The following PLOD1 variants were observed in gnomAD, a reference collection of about 807,000 sequenced individuals.
The protein encoded by PLOD1 is procollagen-lysine,2-oxoglutarate 5-dioxygenase 1.
A neutral mutation model predicts 94.7 loss-of-function variants in PLOD1; 70 were observed. That is an observed-to-expected ratio of 0.74 (90% confidence interval 0.61 to 0.90). The LOEUF (loss-of-function observed/expected upper bound fraction) is 0.90. Ranked by LOEUF, PLOD1 falls within the 40% of genes least tolerant of loss-of-function variation. The probability of loss-of-function intolerance (pLI) is 0.00; values close to 1 mark genes in which losing one functional copy is unlikely to be tolerated. For synonymous variants in PLOD1, 417 were observed against 400.2 expected (o/e 1.04, Z -0.50); for missense variants, 905 against 972.7 (o/e 0.93, Z 0.93).
At chr1:11,970,889 T>C in intron 17 of PLOD1, 73 bp downstream of exon 17, 3 of 543,906 alleles carry the variant, frequency 5.5e-6, no homozygotes, top group Middle Eastern at 3.4e-4. Flanking sequence ...CTGGGACTGG[T>C]GGGGGTAGGG....
intron 4 of PLOD1, 62 bp from the exon 5 acceptor site, chr1:11,952,560 GC>G: frequency 8.8e-7 from 1 of 1,135,190 alleles, no homozygotes; most frequent in Non-Finnish European, 1.3e-6. Flanking sequence ...GTGGGAGGAG[GC>G]CCCTGACTTA....
In PLOD1 at chr1:11,958,606, C is replaced by T; in HGVS notation, c.934C>T (p.His312Tyr). 3 of 1,614,164 alleles carry T rather than the reference C, an allele frequency of 1.9e-6. No homozygotes were observed. Among genetic ancestry groups the T allele is most frequent in the Non-Finnish European group, 2.5e-6 (3 of 1,180,034 alleles). ...GTTCTTCCAGCGGCTCCTGCGGCTC[C>T]ACTACCCCCAGAAACACATGCGACT... ...SLFFQRLLRL[H>Y]YPQKHMRLFI... The change falls in exon 9 of 19, where the codon CAC becomes TAC. Residue 312 changes from histidine (H) to tyrosine (Y), a missense_variant. His to Tyr is a moderately conservative substitution (Grantham distance 83, BLOSUM62 2). Coordinates refer to ENST00000196061, the MANE Select transcript of PLOD1 (RefSeq NM_000302.4). This position sits in a 1 kb window ranked among gnomAD's most constrained non-coding sequence, Gnocchi z 4.3.
chr1:11,947,532 T>G, intron 1 of PLOD1, among the ~76,000 whole-genome samples: 1 of 152,158 alleles, frequency 6.6e-6, no homozygotes, highest in East Asian at 1.9e-4. Flanking sequence ...ATCATGCCAC[T>G]GCACTCCAGC....
chr1:11,964,294 G>T lies in PLOD1; in HGVS notation c.1322G>T (p.Arg441Leu). The part of the protein sequence containing the change: ...SEDYVDIVQG[R>L]RVGVWNVPYI... Reference sequence around the variant, plus strand: ...GACTACGTGGACATTGTGCAGGGGCGGCGTGTGTGAGTACCTGCAGGGTGG... The same window carrying T: ...GACTACGTGGACATTGTGCAGGGGCTGCGTGTGTGAGTACCTGCAGGGTGG... Residue 441 changes from arginine to leucine, a missense_variant, in exon 12 of 19, where the codon CGG becomes CTG. Arg to Leu is a moderately radical substitution (Grantham distance 102). Transcript: ENST00000196061. The T allele has an allele frequency of 1.2e-6, 2 of 1,611,274 alleles. No individual in the cohort carries two copies. The highest frequency in any genetic ancestry group is 1.7e-6 in the Non-Finnish European group (2 of 1,178,706).
rs757830518 is a variant in PLOD1 at position 11,963,650 on chromosome 1, G to A, written c.1202+14G>A. Reference sequence around the variant, plus strand: ...CCAACAGAACAAGTGAGGCTGCTCCGTCTGCACCCAGCACTGCTCAGGACT... The same window carrying A: ...CCAACAGAACAAGTGAGGCTGCTCCATCTGCACCCAGCACTGCTCAGGACT... On this transcript the variant is annotated intron_variant, in intron 11 of 18. Transcript: ENST00000196061. The surrounding 1 kb of genome is among the most constrained non-coding windows in gnomAD (Gnocchi z 4.3). 27 of 1,548,840 alleles carry A rather than the reference G, an allele frequency of 1.7e-5. 2 individuals carry two copies. The South Asian group carries it at 1.8e-4, about 10-fold the overall frequency.
chr1:11,964,550 T>A lies in PLOD1; in HGVS notation c.1329-94T>A, dbSNP rs7529028. On this transcript the variant is annotated intron_variant, in intron 12 of 18. Transcript: ENST00000196061. The stretch of plus-strand genomic sequence containing the variant: ...GTGACTTCCCTTCTCACACCCAGAC[T>A]CCAGGCTATGACTCCCCACCACCAC... The A allele has an allele frequency of 0.087, 111,814 of 1,283,124 alleles. 6,122 individuals carry two copies. Among genetic ancestry groups the A allele is most frequent in the African/African-American group, 0.23 (15,659 of 67,694 alleles). The allele number at this position is 1,283,124 out of a possible 1,614,324, so 79.5% of individuals were successfully genotyped here. A position where few individuals can be genotyped will look rare whatever the true frequency, so the allele number is the denominator to read the frequency against.
chr1:11,968,881 G>A (rs1183516793), intron 16 of PLOD1, among the ~76,000 whole-genome samples: 4 of 145,500 alleles, frequency 2.7e-5, no homozygotes, highest in South Asian at 4.3e-4. Flanking sequence ...TCGCTCTGTC[G>A]CCCAGGCTGG....
chr1:11,972,242 CTCTT>C lies in PLOD1; in HGVS notation c.1903-626_1903-623del, dbSNP rs1480654822. 2 of 149,712 alleles carry C rather than the reference CTCTT, an allele frequency of 1.3e-5. No homozygotes were observed. The highest frequency in any genetic ancestry group is 1.9e-4 in the East Asian group (1 of 5,164). 9.3% of individuals were successfully genotyped at this position (149,712 alleles called of 1,614,324 possible). ...TCTCTCTCTCTCTTTCTTTCTCTCT[CTCTT>C]TCTCTTTCTCTGTCTCTTTTTCTTT... is the stretch of plus-strand genomic sequence containing the variant. On this transcript the variant is annotated intron_variant, in intron 17 of 18. Coordinates refer to ENST00000196061, the MANE Select transcript of PLOD1 (RefSeq NM_000302.4). The surrounding 1 kb of genome is among the most constrained non-coding windows in gnomAD (Gnocchi z 4.6).
At chr1:11,953,014 G>C (rs925483226) in intron 5 of PLOD1, among the ~76,000 whole-genome samples, 5 of 152,140 alleles carry the variant, frequency 3.3e-5, no homozygotes, top group Non-Finnish European at 7.3e-5. Flanking sequence ...ATGGTGGAAG[G>C]GGGTAGGGAG....
chr1:11,958,717 G>A lies in PLOD1; in HGVS notation c.975+70G>A, dbSNP rs539436092. The A allele has an allele frequency of 5.9e-5, 93 of 1,577,482 alleles. 1 individual carries two copies. Among genetic ancestry groups the A allele is most frequent in the South Asian group, 5.6e-4 (50 of 89,830 alleles). ...AGGGCCCAGCTTCACAAGGTAGCCC[G>A]AGACCTCTGAGGGTCTCACCGAATC... On this transcript the variant is annotated intron_variant, in intron 9 of 18. Coordinates refer to ENST00000196061, the MANE Select transcript of PLOD1 (RefSeq NM_000302.4). The surrounding 1 kb of genome is among the most constrained non-coding windows in gnomAD (Gnocchi z 4.3).
intron 1 of PLOD1, among the ~76,000 whole-genome samples, chr1:11,937,240 G>T (rs1451895197): frequency 2.6e-5 from 4 of 152,212 alleles, no homozygotes; most frequent in Admixed American, 2.0e-4. Flanking sequence ...CTTGCTCTCT[G>T]TGAGGCTTGG....
At chr1:11,938,997 T>C (rs1045177808) in intron 1 of PLOD1, among the ~76,000 whole-genome samples, 2 of 152,084 alleles carry the variant, frequency 1.3e-5, no homozygotes, top group African/African-American at 4.8e-5. Context: ...CAGGCAGATA[T>C]CCCTAGAGCC....
rs768987788 is a variant in PLOD1 at position 11,964,233 on chromosome 1, G to T, written c.1261G>T (p.Ala421Ser). Residue 421 changes from alanine (A) to serine (S), a missense_variant, in exon 12 of 19, where the codon GCT becomes TCT. By Grantham distance (99) the Ala-to-Ser change is moderately conservative (BLOSUM62 1). Transcript: ENST00000196061. ...GAGGCTGTGGTCGAACTTCTGGGGG[G>T]CTCTCAGTGCAGATGGCTACTATGC... ...HGRLWSNFWG[A>S]LSADGYYARS... 1.4e-5 allele frequency: 22 copies of T among 1,610,544 alleles called. No homozygotes were observed. Among genetic ancestry groups the T allele is most frequent in the Non-Finnish European group, 1.9e-5 (22 of 1,178,436 alleles).
Position 11,942,462 on chromosome 1 carries a change from C to T in PLOD1, c.77-5514C>T, listed in dbSNP as rs143641937. Among the ~76,000 whole-genome samples the T allele has an allele frequency of 1.1e-3, 174 of 152,244 alleles. 1 individual carries two copies. Among genetic ancestry groups the T allele is most frequent in the African/African-American group, 4.1e-3 (170 of 41,536 alleles). Reference sequence around the variant, plus strand: ...AACTACTGGGCAAACCAAGACTGCACGTGCAAAGGAGTGACCACATGGGAT... The same window carrying T: ...AACTACTGGGCAAACCAAGACTGCATGTGCAAAGGAGTGACCACATGGGAT... On this transcript the variant is annotated intron_variant, in intron 1 of 18. Coordinates refer to ENST00000196061, the MANE Select transcript of PLOD1 (RefSeq NM_000302.4).
chr1:11,957,829 G>C lies in PLOD1; in HGVS notation c.742-13G>C. ...CTGGCTGGCTTCTCTGTGACCCCACGTCTCCCCGACAGCTGCAGTTGAACT... is the reference window on the plus strand; with the variant it reads ...CTGGCTGGCTTCTCTGTGACCCCACCTCTCCCCGACAGCTGCAGTTGAACT... On this transcript the variant is annotated splice_polypyrimidine_tract_variant and intron_variant, in intron 7 of 18. Transcript: ENST00000196061. This position sits in a 1 kb window ranked among gnomAD's most constrained non-coding sequence, Gnocchi z 4.1. The C allele has an allele frequency of 6.2e-7, 1 of 1,603,184 alleles. No homozygotes were observed. Among genetic ancestry groups the C allele is most frequent in the Non-Finnish European group, 8.5e-7 (1 of 1,170,066 alleles).
chr1:11,937,948 ATTTTCTTTTTTTTT>A (rs1645591062), intron 1 of PLOD1, among the ~76,000 whole-genome samples: 1 of 102,604 alleles, frequency 9.7e-6, no homozygotes, highest in Non-Finnish European at 2.1e-5. Context: ...TTAAGTTTTC[ATTTTCTTTTTTTTT>A]TTTTCTTTGA....
intron 15 of PLOD1, among the ~76,000 whole-genome samples, chr1:11,966,584 G>T (rs909788279): frequency 2.0e-5 from 3 of 151,978 alleles, no homozygotes; most frequent in African/African-American, 7.3e-5. Context: ...TGGAGGCTGT[G>T]GGAGTCTGCA....
rs1310114003 is a variant in PLOD1 at position 11,970,650 on chromosome 1, T to G, written c.1756-20T>G. 3 of 1,612,318 alleles carry G rather than the reference T, an allele frequency of 1.9e-6. No homozygotes were observed. Among genetic ancestry groups the G allele is most frequent in the South Asian group, 1.1e-5 (1 of 91,010 alleles). ...GCCATCCTAGAATTCTGCCTAAACA[T>G]TCACCTCGGTCACCTCCAGGACAAC... On this transcript the variant is annotated intron_variant, in intron 16 of 18. Coordinates refer to ENST00000196061, the MANE Select transcript of PLOD1 (RefSeq NM_000302.4).
Position 11,958,714 on chromosome 1 carries a change from C to T in PLOD1, c.975+67C>T. The T allele has an allele frequency of 1.9e-6, 3 of 1,587,666 alleles. No homozygotes were observed. The highest frequency in any genetic ancestry group is 2.6e-6 in the Non-Finnish European group (3 of 1,159,522). On this transcript the variant is annotated intron_variant, in intron 9 of 18. Coordinates refer to ENST00000196061, the MANE Select transcript of PLOD1 (RefSeq NM_000302.4). The surrounding 1 kb of genome is among the most constrained non-coding windows in gnomAD (Gnocchi z 4.3). ...TCCAGGGCCCAGCTTCACAAGGTAGCCCGAGACCTCTGAGGGTCTCACCGA... is the reference window on the plus strand; with the variant it reads ...TCCAGGGCCCAGCTTCACAAGGTAGTCCGAGACCTCTGAGGGTCTCACCGA...
Sources: gnomAD v4.1 joint callset for allele counts (sites outside exome capture counted in the v4.1 genomes callset) on GRCh38, gnomAD v4.1.1 for gene constraint, Gnocchi (gnomAD v3.1) non-coding constraint, MANE v1.5 for transcripts, NCBI Gene and HGNC (gene_info 2026-07-23, HGNC 2026-07-21) for gene names.